LRRC4C: variants seen among roughly 807,000 people sequenced by gnomAD.
LRRC4C encodes the protein leucine rich repeat containing 4C, also known as leucine-rich repeat-containing protein 4C.
A neutral mutation model predicts 33.6 loss-of-function variants in LRRC4C; 5 were observed. That is an observed-to-expected ratio of 0.15 (90% CI 0.08 to 0.31). The LOEUF (loss-of-function observed/expected upper bound fraction) is 0.31. Among genes scored for constraint, LRRC4C ranks in the 10% least tolerant of loss-of-function variants. LRRC4C has a pLI of 1.00. For synonymous variants in LRRC4C, 329 were observed against 302.0 expected, an observed-to-expected ratio of 1.09 and a Z score of -0.93; for missense variants, 560 against 796.7, an observed-to-expected ratio of 0.70 and a Z score of 3.58.
chr11:41,208,044 G>C (rs948704658), intron 1 of LRRC4C, among the ~76,000 whole-genome samples: 21 of 152,056 alleles, frequency 1.4e-4, no homozygotes, highest in African/African-American at 5.1e-4. Context: ...GAGGAGAGCT[G>C]GAGAGAAAGT....
At chr11:40,306,040 C>A (rs527993359) in intron 4 of LRRC4C, among the ~76,000 whole-genome samples, 1 of 152,174 alleles carries the variant, frequency 6.6e-6, no homozygotes, top group Non-Finnish European at 1.5e-5. Context: ...AGAACTTCGG[C>A]CCATTCTCTT....
intron 2 of LRRC4C, among the ~76,000 whole-genome samples, chr11:40,918,489 A>G (rs961984853): frequency 1.3e-5 from 2 of 151,928 alleles, no homozygotes; most frequent in Non-Finnish European, 2.9e-5. Context: ...AGCCTTGCCA[A>G]TTCCCTTATT....
chr11:41,204,965 T>G (rs1565477917), intron 1 of LRRC4C, among the ~76,000 whole-genome samples: 1 of 152,122 alleles, frequency 6.6e-6, no homozygotes, highest in Non-Finnish European at 1.5e-5. Context: ...AAGAAGTGGT[T>G]TTTTTGAGGA....
intron 3 of LRRC4C, among the ~76,000 whole-genome samples, chr11:40,475,095 T>C (rs1446065981): frequency 6.6e-6 from 1 of 152,112 alleles, no homozygotes; most frequent in Non-Finnish European, 1.5e-5. Flanking sequence ...AGCAATCCCT[T>C]TACTGGATAT....
intron 3 of LRRC4C, among the ~76,000 whole-genome samples, chr11:40,478,124 C>T (rs1020967267): frequency 2.7e-4 from 41 of 152,128 alleles, no homozygotes; most frequent in African/African-American, 9.7e-4. Flanking sequence ...CTTTCTTTTG[C>T]AAATTTCCCA....
intron 1 of LRRC4C, among the ~76,000 whole-genome samples, chr11:41,408,757 A>AAAAAAAACAAAC (rs1171258187): frequency 2.1e-3 from 295 of 139,428 alleles, no homozygotes; most frequent in African/African-American, 9.5e-3. Context: ...TAAAAAAAAA[A>AAAAAAAACAAAC]AAAAAAAAAA....
intron 3 of LRRC4C, among the ~76,000 whole-genome samples, chr11:40,500,543 G>A (rs1020018101): frequency 3.3e-5 from 5 of 151,882 alleles, no homozygotes; most frequent in Non-Finnish European, 7.4e-5. Context: ...CAAAAGGCAC[G>A]TTTAACATGG....
At position 40,879,167 on chromosome 11, in the gene LRRC4C, T is replaced by C. The variant is rs144802644; in HGVS notation, c.-407+54468A>G. ...CTGTCATGATCACTGGAAAATCAGTTTCCATCTGAAAAGGTATTTTGACAA... is the reference window on the plus strand; with the variant it reads ...CTGTCATGATCACTGGAAAATCAGTCTCCATCTGAAAAGGTATTTTGACAA... On this transcript the variant is annotated intron_variant, in intron 2 of 6. Transcript: ENST00000528697. Among the ~76,000 whole-genome samples the C allele has an allele frequency of 3.2e-4, 49 of 152,284 alleles. No individual in the cohort carries two copies. In the East Asian group the frequency reaches 8.3e-3, roughly 26 times the overall value.
intron 1 of LRRC4C, among the ~76,000 whole-genome samples, chr11:41,088,097 C>T (rs1940138553): frequency 6.6e-6 from 1 of 151,986 alleles, no homozygotes; most frequent in Admixed American, 6.6e-5. Context: ...CAAAATAGAC[C>T]ATCTACCCTT....
At chr11:40,962,030 G>T (rs1302321368) in intron 1 of LRRC4C, among the ~76,000 whole-genome samples, 1 of 151,604 alleles carries the variant, frequency 6.6e-6, no homozygotes, top group African/African-American at 2.4e-5. Flanking sequence ...TTACACTCTG[G>T]CCTGTAAGAA....
intron 1 of LRRC4C, among the ~76,000 whole-genome samples, chr11:41,208,219 T>C (rs1946677973): frequency 6.6e-6 from 1 of 152,216 alleles, no homozygotes; most frequent in Non-Finnish European, 1.5e-5. Flanking sequence ...CTAAATTGTG[T>C]TCTAGTGTTT....
chr11:40,753,315 C>T (rs551413713), intron 2 of LRRC4C, among the ~76,000 whole-genome samples: 1 of 151,794 alleles, frequency 6.6e-6, no homozygotes, highest in South Asian at 2.1e-4. Context: ...ATGATAAATA[C>T]TCAAGGTGAT....
At chr11:41,056,641 T>C (rs1858639215) in intron 1 of LRRC4C, among the ~76,000 whole-genome samples, 1 of 152,130 alleles carries the variant, frequency 6.6e-6, no homozygotes, top group African/African-American at 2.4e-5. Context: ...ATCTATGTGG[T>C]CAACAAACAT....
chr11:40,953,862 A>G (rs1195318221), intron 1 of LRRC4C, among the ~76,000 whole-genome samples: 2 of 151,836 alleles, frequency 1.3e-5, no homozygotes, highest in Non-Finnish European at 2.9e-5. Context: ...ACTTTCTTAT[A>G]TTTTTATCTT....
At chr11:40,319,007 G>T (rs1412523717) in intron 4 of LRRC4C, among the ~76,000 whole-genome samples, 1 of 152,090 alleles carries the variant, frequency 6.6e-6, no homozygotes, top group African/African-American at 2.4e-5. Context: ...ATCTTCGTGT[G>T]CTGTTAGGTT....
chr11:40,733,114 C>T (rs371303642), intron 2 of LRRC4C, among the ~76,000 whole-genome samples: 8 of 125,394 alleles, frequency 6.4e-5, no homozygotes, highest in Admixed American at 1.9e-4. Flanking sequence ...CTCACTCTGT[C>T]ACCCAGGCTG....
At chr11:40,840,710 G>T (rs1377267592) in intron 2 of LRRC4C, among the ~76,000 whole-genome samples, 1 of 151,982 alleles carries the variant, frequency 6.6e-6, no homozygotes, top group Admixed American at 6.6e-5. Context: ...GTCCATGTTT[G>T]ACTTTAAGAA....
intron 5 of LRRC4C, among the ~76,000 whole-genome samples, chr11:40,174,014 T>G (rs4076390): frequency 2.0e-5 from 3 of 151,998 alleles, no homozygotes; most frequent in Non-Finnish European, 2.9e-5. Flanking sequence ...TTGTATAAGT[T>G]ACCTTCTTTT....
chr11:40,872,037 C>A (rs1954676090), intron 2 of LRRC4C, among the ~76,000 whole-genome samples: 1 of 152,138 alleles, frequency 6.6e-6, no homozygotes, highest in South Asian at 2.1e-4. Flanking sequence ...CAGGCATACA[C>A]TGGACATGGG....
Sources: allele counts gnomAD v4.1 joint callset (sites outside exome capture counted in the v4.1 genomes callset), GRCh38; gene constraint gnomAD v4.1.1; transcripts MANE v1.5; gene names NCBI Gene and HGNC (gene_info 2026-07-23, HGNC 2026-07-21).